The following PRPF18 variants were observed in gnomAD, a reference collection of about 807,000 sequenced individuals.
PRPF18 encodes the protein pre-mRNA processing factor 18.
PRPF18 carries 38 observed loss-of-function variants against 46.5 expected under a neutral mutation model. The ratio of observed to expected loss-of-function variants is 0.82; its 90% CI spans 0.63 to 1.07. The LOEUF is 1.07. Among genes scored for constraint, PRPF18 ranks in the 50% least tolerant of loss-of-function variants. The pLI is 0.00. For missense variants in PRPF18, 263 were observed against 410.0 expected, an observed-to-expected ratio of 0.64 and a Z score of 3.10; for synonymous variants, 152 against 146.7, an observed-to-expected ratio of 1.04 and a Z score of -0.26.
chr10:13,592,855 A>G (rs1357399992), intron 1 of PRPF18, among the ~76,000 whole-genome samples: 1 of 152,224 alleles, frequency 6.6e-6, no homozygotes, highest in African/African-American at 2.4e-5. Context: ...TATATGCAAG[A>G]TACTATGCTG....
chr10:13,597,043 A>G (rs532476016), intron 1 of PRPF18, among the ~76,000 whole-genome samples: 1 of 152,222 alleles, frequency 6.6e-6, no homozygotes, highest in Non-Finnish European at 1.5e-5. Context: ...TATCAAATGT[A>G]GGCTATATAT....
chr10:13,654,192 C>G, the PRPF18 span: 1 of 581,400 alleles, frequency 1.7e-6, no homozygotes, highest in East Asian at 2.9e-5. Flanking sequence ...AGGACCACCG[C>G]CTACTTTAAG....
chr10:13,589,227 G>A (rs1179102741), intron 1 of PRPF18, among the ~76,000 whole-genome samples: 1 of 152,156 alleles, frequency 6.6e-6, no homozygotes, highest in African/African-American at 2.4e-5. Context: ...GTTCAGTTTG[G>A]GGAAGTTGTC....
intron 9 of PRPF18, among the ~76,000 whole-genome samples, chr10:13,627,189 C>A (rs1473929330): frequency 6.6e-6 from 1 of 152,184 alleles, no homozygotes; most frequent in Non-Finnish European, 1.5e-5. Context: ...CGTCCACTTA[C>A]CCCACTTGCC....
chr10:13,611,290 T>C (rs1490200358), intron 5 of PRPF18, among the ~76,000 whole-genome samples: 3 of 151,676 alleles, frequency 2.0e-5, no homozygotes, highest in African/African-American at 4.8e-5. Context: ...ATTTAACATA[T>C]ACAAATCAGT....
chr10:13,587,330 G>A (rs921559557), intron 1 of PRPF18, 178 bp downstream of exon 1: 72 of 674,114 alleles, frequency 1.1e-4, no homozygotes, highest in Admixed American at 2.5e-5. Flanking sequence ...CACTGTTGAG[G>A]CTGGAGAATA....
At chr10:13,654,536 G>A in the PRPF18 span, 6 of 1,480,240 alleles carry the variant, frequency 4.1e-6, no homozygotes, top group African/African-American at 1.4e-5. Context: ...GTGCAAGAAA[G>A]GCAGAGAGCA....
chr10:13,591,612 C>G, intron 1 of PRPF18: 9 of 643,376 alleles, frequency 1.4e-5, no homozygotes, highest in South Asian at 6.8e-5. Flanking sequence ...TTGTATTTAT[C>G]TTTTTCTGTG....
chr10:13,628,597 G>T (rs1315922006), intron 9 of PRPF18, among the ~76,000 whole-genome samples: 1 of 151,790 alleles, frequency 6.6e-6, no homozygotes, highest in Non-Finnish European at 1.5e-5. Flanking sequence ...TTTAACCAGG[G>T]TTGGTTGAAT....
intron 4 of PRPF18, among the ~76,000 whole-genome samples, chr10:13,609,457 G>A (rs899022057): frequency 2.0e-5 from 3 of 152,132 alleles, no homozygotes; most frequent in African/African-American, 7.2e-5. Context: ...TGTTTCCTTG[G>A]CTCTTAAACC....
intron 1 of PRPF18, chr10:13,591,902 G>C: frequency 7.1e-7 from 1 of 1,417,802 alleles, no homozygotes; most frequent in Non-Finnish European, 9.5e-7. Context: ...ATGCTGGTTC[G>C]CAGTTTTCTC....
At chr10:13,591,612 C>A (rs1206979787) in intron 1 of PRPF18, 13 of 643,256 alleles carry the variant, frequency 2.0e-5, no homozygotes, top group Non-Finnish European at 2.0e-5. Context: ...TTGTATTTAT[C>A]TTTTTCTGTG....
intron 3 of PRPF18, among the ~76,000 whole-genome samples, chr10:13,600,987 G>A (rs1036712473): frequency 6.6e-6 from 1 of 152,020 alleles, no homozygotes; most frequent in Non-Finnish European, 1.5e-5. Context: ...CATCATGTTG[G>A]CCAGGCTGGT....
chr10:13,652,025 GAGACACTGACAC>G, the PRPF18 span: 1 of 959,152 alleles, frequency 1.0e-6, no homozygotes, highest in Non-Finnish European at 1.7e-6. Context: ...ATGTTACAGA[GAGACACTGACAC>G]AGACACAGAC....
chr10:13,592,775 T>G (rs3829209), intron 1 of PRPF18, among the ~76,000 whole-genome samples: 1 of 152,040 alleles, frequency 6.6e-6, no homozygotes, highest in Non-Finnish European at 1.5e-5. Context: ...TTTTACTAGT[T>G]GTAGTTATGA....
At chr10:13,614,399 A>G (rs759209584) in intron 8 of PRPF18, among the ~76,000 whole-genome samples, 2 of 152,344 alleles carry the variant, frequency 1.3e-5, no homozygotes, top group Middle Eastern at 3.4e-3. Context: ...AAAGTTTTGT[A>G]AATGGCTGAT....
intron 2 of PRPF18, among the ~76,000 whole-genome samples, chr10:13,599,099 G>T (rs2080072113): frequency 6.6e-6 from 1 of 152,116 alleles, no homozygotes; most frequent in Non-Finnish European, 1.5e-5. Context: ...ATGTTTCCAT[G>T]CTTAAAAAGT....
chr10:13,606,748 A>G (rs982339501), intron 4 of PRPF18, among the ~76,000 whole-genome samples: 1 of 151,574 alleles, frequency 6.6e-6, no homozygotes, highest in Non-Finnish European at 1.5e-5. Flanking sequence ...AAAAAAAAAA[A>G]AAAAAAAAAA....
intron 4 of PRPF18, 112 bp downstream of exon 4, chr10:13,605,856 A>G (rs2080176453): frequency 7.4e-7 from 1 of 1,344,642 alleles, no homozygotes; most frequent in African/African-American, 1.5e-5. Context: ...TGAGCAGATT[A>G]TTGCTGCTGA....
Sources: allele counts gnomAD v4.1 joint callset (sites outside exome capture counted in the v4.1 genomes callset), GRCh38; gene constraint gnomAD v4.1.1; transcripts MANE v1.5; gene names NCBI Gene and HGNC (gene_info 2026-07-23, HGNC 2026-07-21).